MGAT4C: variants seen among roughly 807,000 people sequenced by gnomAD.
MGAT4C encodes alpha-1,3-mannosyl-glycoprotein 4-beta-N-acetylglucosaminyltransferase C.
In MGAT4C, 19 loss-of-function variants were observed where a neutral mutation model predicts 40.1. The ratio of observed to expected loss-of-function variants is 0.47; its 90% CI spans 0.33 to 0.70. The LOEUF (loss-of-function observed/expected upper bound fraction) is 0.70, where lower values mean the gene tolerates loss of function less well. MGAT4C is among the 30% of genes least tolerant of loss of function. The pLI is 0.02. For missense variants in MGAT4C, 491 were observed against 563.2 expected, an observed-to-expected ratio of 0.87 and a Z score of 1.30; for synonymous variants, 181 against 187.1, an observed-to-expected ratio of 0.97 and a Z score of 0.27.
chr12:86,829,731 T>C (rs1184310164), intron 1 of MGAT4C, among the ~76,000 whole-genome samples: 1 of 151,258 alleles, frequency 6.6e-6, no homozygotes, highest in Admixed American at 6.6e-5. Flanking sequence ...TGTTGTTACT[T>C]ATACTGGAGA....
intron 2 of MGAT4C, among the ~76,000 whole-genome samples, chr12:86,616,017 A>G (rs193126061): frequency 1.8e-4 from 27 of 152,252 alleles, no homozygotes; most frequent in Admixed American, 5.2e-4. Flanking sequence ...AATGTCTACA[A>G]AATTCTAGTC....
intron 2 of MGAT4C, among the ~76,000 whole-genome samples, chr12:86,031,964 T>G (rs1188085319): frequency 6.6e-6 from 1 of 151,936 alleles, no homozygotes; most frequent in East Asian, 1.9e-4. Context: ...CTCTTATCTG[T>G]GTCCATATGT....
intron 4 of MGAT4C, among the ~76,000 whole-genome samples, chr12:86,317,770 A>C (rs1476127776): frequency 6.6e-6 from 1 of 151,896 alleles, no homozygotes; most frequent in East Asian, 1.9e-4. Flanking sequence ...GTGAATTAAT[A>C]AGATATTTCA....
At chr12:86,762,213 G>T (rs985094168) in intron 1 of MGAT4C, among the ~76,000 whole-genome samples, 1 of 151,842 alleles carries the variant, frequency 6.6e-6, no homozygotes, top group African/African-American at 2.4e-5. Flanking sequence ...CACCACACCT[G>T]CTAATTTTTG....
intron 1 of MGAT4C, among the ~76,000 whole-genome samples, chr12:86,108,143 G>A (rs1876554273): frequency 6.6e-6 from 1 of 152,070 alleles, no homozygotes. Flanking sequence ...TGGCCAAGGG[G>A]ACCCCAGAAA....
At chr12:86,079,548 C>T (rs1360658506) in intron 1 of MGAT4C, among the ~76,000 whole-genome samples, 1 of 152,002 alleles carries the variant, frequency 6.6e-6, no homozygotes, top group African/African-American at 2.4e-5. Flanking sequence ...TTAAGTATCA[C>T]TATATAGTAT....
intron 2 of MGAT4C, among the ~76,000 whole-genome samples, chr12:86,612,739 CA>C (rs767088175): frequency 0.18 from 10,357 of 58,784 alleles, 365 homozygotes; most frequent in African/African-American, 0.29. Context: ...GACTCTGTCT[CA>C]AAAAAAAAAA....
intron 2 of MGAT4C, among the ~76,000 whole-genome samples, chr12:86,656,288 C>T (rs906644826): frequency 6.6e-6 from 1 of 151,004 alleles, no homozygotes; most frequent in Non-Finnish European, 1.5e-5. Flanking sequence ...AAGAGTATTT[C>T]AACATGAAGA....
At chr12:86,693,516 A>G (rs532101988) in intron 2 of MGAT4C, among the ~76,000 whole-genome samples, 5 of 152,150 alleles carry the variant, frequency 3.3e-5, no homozygotes, top group Admixed American at 6.5e-5. Flanking sequence ...TTCAGCTCTG[A>G]TAAGTATTAG....
At chr12:86,712,048 C>G (rs1470836124) in intron 2 of MGAT4C, among the ~76,000 whole-genome samples, 1 of 152,150 alleles carries the variant, frequency 6.6e-6, no homozygotes, top group Admixed American at 6.6e-5. Context: ...AGATAAGTAC[C>G]TGCATATACA....
At chr12:86,618,451 A>T (rs903111190) in intron 2 of MGAT4C, among the ~76,000 whole-genome samples, 3 of 152,224 alleles carry the variant, frequency 2.0e-5, no homozygotes, top group Non-Finnish European at 2.9e-5. Context: ...GAATAGGTAA[A>T]GAAAATGTGG....
intron 1 of MGAT4C, among the ~76,000 whole-genome samples, chr12:86,805,449 T>C (rs1368251921): frequency 2.6e-5 from 4 of 152,002 alleles, no homozygotes; most frequent in Non-Finnish European, 5.9e-5. Flanking sequence ...CTCCCATTTA[T>C]GAGTGAAACA....
At chr12:86,168,515 A>C (rs550810111) in intron 1 of MGAT4C, among the ~76,000 whole-genome samples, 2 of 152,286 alleles carry the variant, frequency 1.3e-5, no homozygotes, top group African/African-American at 4.8e-5. Flanking sequence ...GAAAACAAAA[A>C]ACAAACAAAC....
At chr12:86,265,797 TTTTA>T (rs1471235396) in intron 4 of MGAT4C, among the ~76,000 whole-genome samples, 2 of 152,212 alleles carry the variant, frequency 1.3e-5, no homozygotes, top group Non-Finnish European at 2.9e-5. Context: ...TTGGGATATT[TTTTA>T]TTTGTGTCAT....
chr12:86,692,755 G>A (rs1950192630), intron 2 of MGAT4C, among the ~76,000 whole-genome samples: 1 of 152,190 alleles, frequency 6.6e-6, no homozygotes, highest in African/African-American at 2.4e-5. Flanking sequence ...ATACAGTCTT[G>A]GTTTATGAAA....
intron 2 of MGAT4C, among the ~76,000 whole-genome samples, chr12:86,635,007 A>T (rs1963174728): frequency 6.6e-6 from 1 of 152,158 alleles, no homozygotes; most frequent in Admixed American, 6.6e-5. Context: ...CATCCTCAGT[A>T]ATTGTAGCTC....
chr12:86,182,443 T>C (rs1334873955), intron 1 of MGAT4C, among the ~76,000 whole-genome samples: 1 of 152,160 alleles, frequency 6.6e-6, no homozygotes, highest in Non-Finnish European at 1.5e-5. Context: ...TAACTAAAAT[T>C]CCCTGAAGCT....
chr12:86,576,807 TTTTC>T (rs532739577), intron 2 of MGAT4C, among the ~76,000 whole-genome samples: 61 of 151,872 alleles, frequency 4.0e-4, no homozygotes, highest in Non-Finnish European at 7.2e-4. Context: ...CTATTCTGAG[TTTTC>T]TTTACTTCCA....
intron 1 of MGAT4C, among the ~76,000 whole-genome samples, chr12:86,241,401 T>C (rs1423426488): frequency 1.3e-5 from 2 of 152,186 alleles, no homozygotes; most frequent in Non-Finnish European, 2.9e-5. Flanking sequence ...CAACTGGCTG[T>C]CTGAATTCTA....
Sources: gnomAD v4.1 joint callset for allele counts (sites outside exome capture counted in the v4.1 genomes callset) on GRCh38, gnomAD v4.1.1 for gene constraint, MANE v1.5 for transcripts, NCBI Gene and HGNC (gene_info 2026-07-23, HGNC 2026-07-21) for gene names.